Variants in POR observed in about 807,000 individuals in gnomAD.
The protein encoded by POR is cytochrome p450 oxidoreductase, also known as NADPH--cytochrome P450 reductase.
POR carries 56 observed loss-of-function variants against 84.0 expected under a neutral mutation model. The observed-to-expected ratio is 0.67, with a 90% CI of 0.54 to 0.83. The LOEUF is 0.83. Ranked by LOEUF, POR falls within the 40% of genes least tolerant of loss-of-function variation. The probability of loss-of-function intolerance (pLI) is 0.00; values close to 1 mark genes in which losing one functional copy is unlikely to be tolerated. For missense variants in POR, 938 were observed against 944.3 expected (o/e 0.99, Z 0.09); for synonymous variants, 414 against 400.5 (o/e 1.03, Z -0.40).
chr7:75,984,747 C>T, intron 10 of POR, 30 bp from the exon 11 acceptor site: 1 of 1,607,446 alleles, frequency 6.2e-7, no homozygotes, highest in East Asian at 2.2e-5. Flanking sequence ...CGGCCGCCTA[C>T]CCCAAGTCCT....
chr7:75,940,182 CA>C (rs1807906511), intron 1 of POR, among the ~76,000 whole-genome samples: 1 of 152,280 alleles, frequency 6.6e-6, no homozygotes, highest in South Asian at 2.1e-4. Context: ...CTCCTGGGTT[CA>C]AGTGATTCTC....
chr7:75,939,966 G>C (rs1807892472), intron 1 of POR, among the ~76,000 whole-genome samples: 1 of 151,504 alleles, frequency 6.6e-6, no homozygotes, highest in South Asian at 2.1e-4. Context: ...CTGGAGTGCA[G>C]GGATACTCAC....
rs1554559131 is a variant in POR at position 75,985,719 on chromosome 7, C to T, written c.1539C>T (p.Pro513=). 6.9e-6 allele frequency: 11 copies of T among 1,588,388 alleles called. No homozygotes were observed. Among genetic ancestry groups the T allele is most frequent in the Middle Eastern group, 1.7e-4 (1 of 6,038 alleles). ...AGAACGGCGGCCGTGCGCTGGTGCC[C>T]ATGTTCGTGCGCAAGTCCCAGTTCC... Residue 513 remains proline, a synonymous_variant, in exon 13 of 16, where the codon CCC becomes CCT. Transcript: ENST00000461988.
chr7:75,954,856 C>T (rs887182553), intron 2 of POR, among the ~76,000 whole-genome samples: 2 of 151,904 alleles, frequency 1.3e-5, no homozygotes, highest in Non-Finnish European at 2.9e-5. Flanking sequence ...TACAGGTGCC[C>T]GCCACCACGC....
chr7:75,949,566 C>G (rs1787323246), intron 1 of POR, among the ~76,000 whole-genome samples: 1 of 151,912 alleles, frequency 6.6e-6, no homozygotes, highest in African/African-American at 2.4e-5. Context: ...AGGCTGGAGT[C>G]TGGAGTGCAG....
intron 1 of POR, among the ~76,000 whole-genome samples, chr7:75,918,929 A>C (rs1585080256): frequency 6.6e-6 from 1 of 151,472 alleles, no homozygotes; most frequent in Admixed American, 6.6e-5. Context: ...AAATGGTCCT[A>C]GGAACCATGG....
intron 2 of POR, among the ~76,000 whole-genome samples, chr7:75,957,503 C>G (rs1476810439): frequency 6.6e-6 from 1 of 151,716 alleles, no homozygotes; most frequent in African/African-American, 2.4e-5. Context: ...AGTTCCGCCC[C>G]ACCGCCGTGA....
Position 75,923,028 on chromosome 7 carries a change from C to T in POR, c.-5+7849C>T, listed in dbSNP as rs1190878468. On this transcript the variant is annotated intron_variant, in intron 1 of 15. Transcript: ENST00000461988. The stretch of plus-strand genomic sequence containing the variant: ...AACATTCCTTGGCCTTTGTTGTACG[C>T]GTCGAAAGGATTGATGGTGTGAGTT... The T allele has an allele frequency of 2.1e-5, 14 of 675,214 alleles. No individual in the cohort carries two copies. In the East Asian group the frequency reaches 2.5e-4, roughly 12 times the overall value. 41.8% of individuals were successfully genotyped at this position (675,214 alleles called of 1,614,324 possible). A position where few individuals can be genotyped will look rare whatever the true frequency, so the allele number is the denominator to read the frequency against.
intron 1 of POR, among the ~76,000 whole-genome samples, chr7:75,932,671 C>T (rs1807477206): frequency 6.6e-6 from 1 of 151,666 alleles, no homozygotes; most frequent in Non-Finnish European, 1.5e-5. Context: ...AGAAAATGTT[C>T]ACAATTTAAT....
At chr7:75,947,949 C>T (rs951520883) in intron 1 of POR, among the ~76,000 whole-genome samples, 3 of 152,126 alleles carry the variant, frequency 2.0e-5, no homozygotes, top group Admixed American at 2.0e-4. Flanking sequence ...CATTTGTGGC[C>T]TCAGCCCCCA....
At chr7:75,940,398 T>G (rs528973309) in intron 1 of POR, among the ~76,000 whole-genome samples, 6 of 152,154 alleles carry the variant, frequency 3.9e-5, no homozygotes, top group African/African-American at 1.2e-4. Context: ...ACTCTTATCT[T>G]AGATATCACG....
intron 1 of POR, among the ~76,000 whole-genome samples, chr7:75,930,146 A>C (rs1025132682): frequency 1.3e-5 from 2 of 152,216 alleles, no homozygotes; most frequent in Non-Finnish European, 2.9e-5. Context: ...GAAGGTGCCT[A>C]GCCAGGGTGC....
At chr7:75,927,897 C>T (rs1258188403) in intron 1 of POR, among the ~76,000 whole-genome samples, 2 of 150,500 alleles carry the variant, frequency 1.3e-5, no homozygotes, top group Non-Finnish European at 2.9e-5. Flanking sequence ...TCTCGAACTC[C>T]TGACCTCAAG....
chr7:75,927,973 T>C (rs1420577840), intron 1 of POR, among the ~76,000 whole-genome samples: 8 of 144,556 alleles, frequency 5.5e-5, no homozygotes, highest in East Asian at 3.9e-4. Flanking sequence ...GGTTTCTTTT[T>C]TTTTTTTTTT....
At position 75,922,773 on chromosome 7, in the gene POR, A is replaced by G. The variant is rs1554549011; in HGVS notation, c.-5+7594A>G. The G allele has an allele frequency of 6.7e-6, 3 of 448,484 alleles. No homozygotes were observed. The Admixed American group carries it at 9.8e-5, about 15-fold the overall frequency. The allele number at this position is 448,484 out of a possible 1,614,324, so 27.8% of individuals were successfully genotyped here. ...TAGAAAGATGGCAAAGCAGGAGCAA[A>G]GAAAAATCCCTTTGGCTCCAGAAAA... is the stretch of plus-strand genomic sequence containing the variant. On this transcript the variant is annotated intron_variant, in intron 1 of 15. Coordinates refer to ENST00000461988, the MANE Select transcript of POR (RefSeq NM_000941.3).
In POR at chr7:75,953,180, G is replaced by A. The variant is rs564187212; in HGVS notation, c.-4-809G>A. Among the ~76,000 whole-genome samples, 271 of 152,146 alleles carry A rather than the reference G, an allele frequency of 1.8e-3. 1 individual carries two copies. The highest frequency in any genetic ancestry group is 6.1e-3 in the African/African-American group (254 of 41,526). ...AAAAAAATACGAGAACCAGTCAGGC[G>A]TGGCGGCGCGCGCCTGCAATCGCAG... On this transcript the variant is annotated intron_variant, in intron 1 of 15. Coordinates refer to ENST00000461988, the MANE Select transcript of POR (RefSeq NM_000941.3).
At chr7:75,943,331 A>G (rs1554551769) in intron 1 of POR, among the ~76,000 whole-genome samples, 1 of 152,114 alleles carries the variant, frequency 6.6e-6, no homozygotes, top group South Asian at 2.1e-4. Context: ...AAAAGATTTA[A>G]TATTCACTCT....
intron 8 of POR, 29 bp from the exon 9 acceptor site, chr7:75,983,491 C>A (rs782391259): frequency 4.6e-6 from 7 of 1,538,380 alleles, no homozygotes; most frequent in Non-Finnish European, 6.3e-6. Flanking sequence ...GCCCCGGCCG[C>A]TCACTGTGCT....
chr7:75,930,495 TA>T (rs1291517846), intron 1 of POR, among the ~76,000 whole-genome samples: 12 of 151,726 alleles, frequency 7.9e-5, no homozygotes, highest in Non-Finnish European at 1.5e-4. Flanking sequence ...ATAAATAAAA[TA>T]AAATAAATAA....
Sources: gnomAD v4.1 joint callset for allele counts (sites outside exome capture counted in the v4.1 genomes callset) on GRCh38, gnomAD v4.1.1 for gene constraint, MANE v1.5 for transcripts, NCBI Gene and HGNC (gene_info 2026-07-23, HGNC 2026-07-21) for gene names.